PPL: variants seen among roughly 807,000 people sequenced by gnomAD.
The protein encoded by PPL is periplakin.
PPL carries 198 observed loss-of-function variants against 194.4 expected under a neutral mutation model. That is an observed-to-expected ratio of 1.02 (90% CI 0.91 to 1.15). The LOEUF is 1.15. Among genes scored for constraint, PPL ranks in the 50% most tolerant of loss-of-function variants. The probability of loss-of-function intolerance (pLI) is 0.00; values close to 1 mark genes in which losing one functional copy is unlikely to be tolerated. For missense variants in PPL, 2,885 were observed against 2,294.8 expected, an observed-to-expected ratio of 1.26 and a Z score of -5.25; for synonymous variants, 1,220 against 972.4, an observed-to-expected ratio of 1.25 and a Z score of -4.74.
chr16:4,887,061 T>A (rs1468008248), intron 21 of PPL, 74 bp downstream of exon 21: 2 of 1,263,428 alleles, frequency 1.6e-6, no homozygotes, highest in Non-Finnish European at 1.2e-6. Flanking sequence ...CACAAACCAT[T>A]TCTCTAAGAC....
rs2088503063 is a variant in PPL, at chr16:4,899,375, G to C, written c.616C>G (p.Gln206Glu). 6.2e-7 allele frequency: 1 copy of C among 1,607,314 alleles called. No individual in the cohort carries two copies. The highest frequency in any genetic ancestry group is 1.1e-5 in the South Asian group (1 of 90,932). Residue 206 changes from glutamine to glutamate, a missense_variant, in exon 7 of 22, where the codon CAG (glutamine) becomes GAG (glutamate). Gln to Glu is a conservative substitution (Grantham distance 29). Transcript: ENST00000345988. ...AKYQKLLAAS[Q>E]ARQQHLSSLQ... Reference sequence around the variant, plus strand: ...GAACTCAGGTGCTGCTGCCGGGCCTGTGATGCTGCCTGAAGGGGCCGGGGC... The same window carrying C: ...GAACTCAGGTGCTGCTGCCGGGCCTCTGATGCTGCCTGAAGGGGCCGGGGC...
intron 12 of PPL, among the ~76,000 whole-genome samples, chr16:4,894,032 GAA>G (rs1367224386): frequency 2.4e-4 from 36 of 152,282 alleles, no homozygotes; most frequent in African/African-American, 7.5e-4. Flanking sequence ...CTGGAGAGAG[GAA>G]ATTCAAGGAG....
Position 4,884,752 on chromosome 16 carries a change from G to A in PPL, c.3903C>T (p.Asp1301=). The A allele has an allele frequency of 5.0e-6, 8 of 1,614,146 alleles. No homozygotes were observed. The South Asian group carries it at 5.5e-5, about 11-fold the overall frequency. Residue 1301 remains aspartate (D), a synonymous_variant, in exon 22 of 22, where the codon GAC becomes GAT. Coordinates refer to ENST00000345988, the MANE Select transcript of PPL (RefSeq NM_002705.5). The surrounding 1 kb of genome is among the most constrained non-coding windows in gnomAD (Gnocchi z 5.7). ...ACGCCACCTCCTCCTTGGTTTGAGGGTCTTCTTGGAATTGGAGGATCTCCT... is the reference window on the plus strand; with the variant it reads ...ACGCCACCTCCTCCTTGGTTTGAGGATCTTCTTGGAATTGGAGGATCTCCT... The part of the protein sequence containing the change: ...VVQEILQFQE[D]PQTKEEVASL...
rs767938675 is a variant in PPL, at chr16:4,893,584, C to T, written c.1449G>A (p.Thr483=). ...VRQKAAGSKR[T]LQQRYEVLKT... is the part of the protein sequence containing the mutation. Reference sequence around the variant, plus strand: ...TCAGCACCTCATACCGCTGCTGCAGCGTGCGTTTGCTCCCAGCTGCCTTCT... The same window carrying T: ...TCAGCACCTCATACCGCTGCTGCAGTGTGCGTTTGCTCCCAGCTGCCTTCT... The change falls in exon 13 of 22, where the codon ACG becomes ACA. Residue 483 remains threonine, a synonymous_variant. Coordinates refer to ENST00000345988, the MANE Select transcript of PPL (RefSeq NM_002705.5). 19 of 1,611,308 alleles carry T rather than the reference C, an allele frequency of 1.2e-5. No individual in the cohort carries two copies. The South Asian group carries it at 1.8e-4, about 15-fold the overall frequency.
intron 8 of PPL, among the ~76,000 whole-genome samples, chr16:4,897,981 C>T (rs1029218094): frequency 2.6e-5 from 4 of 152,188 alleles, no homozygotes; most frequent in South Asian, 2.1e-4. Flanking sequence ...ATGCCACATA[C>T]GGATGCCCAG....
rs560350086 is a variant in PPL, at chr16:4,885,536, G to A, written c.3119C>T (p.Ala1040Val). 1.2e-6 allele frequency: 2 copies of A among 1,610,628 alleles called. No individual in the cohort carries two copies. The highest frequency in any genetic ancestry group is 1.7e-5 in the Admixed American group (1 of 59,998). ...EVLLLQQRVAALAEEKSRAQE... is the reference protein window; with the variant it reads ...EVLLLQQRVAVLAEEKSRAQE... ...CGCCCGGCTCTTCTCTTCAGCCAGG[G>A]CGGCCACACGCTGCTGCAGGAGGAG... Residue 1040 changes from alanine (A) to valine (V), a missense_variant, in exon 22 of 22, where the codon GCC becomes GTC. Physicochemically the swap from Ala to Val is moderately conservative, Grantham distance 64. Transcript: ENST00000345988. This position sits in a 1 kb window ranked among gnomAD's most constrained non-coding sequence, Gnocchi z 6.3.
chr16:4,913,090 C>T (rs551825112), intron 1 of PPL, among the ~76,000 whole-genome samples: 2 of 150,782 alleles, frequency 1.3e-5, no homozygotes, highest in African/African-American at 2.4e-5. Context: ...GGTAACAGAG[C>T]GAGACTCCAT....
At chr16:4,935,726 GGCCCC>G (rs1313481534) in intron 1 of PPL, among the ~76,000 whole-genome samples, 7 of 152,226 alleles carry the variant, frequency 4.6e-5, no homozygotes, top group Non-Finnish European at 8.8e-5. Context: ...AGCGTGCTAG[GGCCCC>G]GCCGCCTGCA....
At chr16:4,898,143 C>T (rs1287130516) in intron 8 of PPL, among the ~76,000 whole-genome samples, 3 of 152,126 alleles carry the variant, frequency 2.0e-5, no homozygotes, top group Non-Finnish European at 4.4e-5. Context: ...TTTGGGAGGC[C>T]GAGGCGGGTG....
At chr16:4,897,555 G>A in intron 9 of PPL, 120 bp downstream of exon 9, 1 of 716,440 alleles carries the variant, frequency 1.4e-6, no homozygotes, top group Non-Finnish European at 2.3e-6. Context: ...GCCTGGGATG[G>A]CTGCCCCGCA....
At chr16:4,930,239 G>A (rs1037382793) in intron 1 of PPL, among the ~76,000 whole-genome samples, 3 of 152,280 alleles carry the variant, frequency 2.0e-5, no homozygotes, top group South Asian at 4.1e-4. Context: ...TCCTGAAGAA[G>A]CCTGTGTGGC....
At chr16:4,900,059 C>T (rs1441726157) in intron 6 of PPL, among the ~76,000 whole-genome samples, 1 of 152,120 alleles carries the variant, frequency 6.6e-6, no homozygotes, top group Non-Finnish European at 1.5e-5. Flanking sequence ...CTAAGTAACT[C>T]GCTCAAGGTG....
In PPL at chr16:4,902,521, C is replaced by A; in HGVS notation, c.323G>T (p.Arg108Leu). The A allele has an allele frequency of 2.5e-6, 4 of 1,613,096 alleles. No individual in the cohort carries two copies. Among genetic ancestry groups the A allele is most frequent in the Non-Finnish European group, 3.4e-6 (4 of 1,179,508 alleles). Residue 108 changes from arginine (R) to leucine (L), a missense_variant, in exon 4 of 22, where the codon CGC becomes CTC. Arg to Leu is a moderately radical substitution (Grantham distance 102). Transcript: ENST00000345988. This position sits in a 1 kb window ranked among gnomAD's most constrained non-coding sequence, Gnocchi z 4.0. Reference sequence around the variant, plus strand: ...GTTGGTCACACGCTCCTTCAGCTGGCGGATACTGATGGGAGAGAGGCTCCC... The same window carrying A: ...GTTGGTCACACGCTCCTTCAGCTGGAGGATACTGATGGGAGAGAGGCTCCC... ...PQGDMIAEDIRQLKERVTNLR... is the reference protein window; with the variant it reads ...PQGDMIAEDILQLKERVTNLR...
At chr16:4,901,262 G>C (rs546726289) in intron 4 of PPL, among the ~76,000 whole-genome samples, 173 bp from the exon 5 acceptor site, 1 of 152,336 alleles carries the variant, frequency 6.6e-6, no homozygotes, top group Admixed American at 6.5e-5. Context: ...TGTTTGCTGA[G>C]CACTGACCTA....
At chr16:4,900,892 A>G (rs747286429) in intron 5 of PPL, 21 bp from the exon 6 acceptor site, 19 of 1,614,086 alleles carry the variant, frequency 1.2e-5, no homozygotes, top group African/African-American at 6.7e-5. Flanking sequence ...AGCCGAGGGC[A>G]TGGGTCAGGG....
In PPL at chr16:4,895,425, AG is replaced by A; in HGVS notation, c.1096-19del. 6.2e-7 allele frequency: 1 copy of A among 1,611,092 alleles called. No homozygotes were observed. Among genetic ancestry groups the A allele is most frequent in the Non-Finnish European group, 8.5e-7 (1 of 1,178,994 alleles). On this transcript the variant is annotated intron_variant, in intron 10 of 21. Transcript: ENST00000345988. ...TCCTGGTCCTGGAGAGAACGGGGTCAGGGGCCCAGGTGAGACCAACAGCCTT... is the reference window on the plus strand; with the variant it reads ...TCCTGGTCCTGGAGAGAACGGGGTCAGGGCCCAGGTGAGACCAACAGCCTT...
intron 8 of PPL, among the ~76,000 whole-genome samples, chr16:4,898,772 T>A (rs749904800): frequency 6.6e-6 from 1 of 152,254 alleles, no homozygotes; most frequent in Non-Finnish European, 1.5e-5. Context: ...GCAGCAACTC[T>A]AGGAAACTAA....
chr16:4,910,962 G>A lies in PPL; in HGVS notation c.63-13C>T, dbSNP rs1403845061. On this transcript the variant is annotated splice_polypyrimidine_tract_variant and intron_variant, in intron 1 of 21. Transcript: ENST00000345988. ...CTTGTTAGAGATGCTGCGGGCAGAA[G>A]CCGAGGGGAGATGGGCGGGGTGCCT... is the stretch of plus-strand genomic sequence containing the variant. The A allele has an allele frequency of 1.2e-6, 2 of 1,607,960 alleles. No homozygotes were observed. The highest frequency in any genetic ancestry group is 1.7e-6 in the Non-Finnish European group (2 of 1,178,290).
chr16:4,897,658 C>T lies in PPL; in HGVS notation c.972+17G>A, dbSNP rs531610183. The T allele has an allele frequency of 2.3e-5, 37 of 1,607,756 alleles. No homozygotes were observed. The South Asian group carries it at 3.3e-4, about 14-fold the overall frequency. Reference sequence around the variant, plus strand: ...AGCACCCCCGGTGCTGGGGGGACTCCCAGGAAAGGTAAGTACCTGGTGGTA... The same window carrying T: ...AGCACCCCCGGTGCTGGGGGGACTCTCAGGAAAGGTAAGTACCTGGTGGTA... On this transcript the variant is annotated intron_variant, in intron 9 of 21. Coordinates refer to ENST00000345988, the MANE Select transcript of PPL (RefSeq NM_002705.5).
Sources: allele counts gnomAD v4.1 joint callset (sites outside exome capture counted in the v4.1 genomes callset), GRCh38; gene constraint gnomAD v4.1.1; non-coding constraint Gnocchi (gnomAD v3.1); transcripts MANE v1.5; gene names NCBI Gene and HGNC (gene_info 2026-07-23, HGNC 2026-07-21).